The following NFKB1 variants were observed in gnomAD, a reference collection of about 807,000 sequenced individuals.
NFKB1 encodes the protein nuclear factor NF-kappa-B p105 subunit.
In NFKB1, 9 loss-of-function variants were observed where a neutral mutation model predicts 105.1. The observed-to-expected ratio is 0.09, with a 90% confidence interval of 0.05 to 0.15. NFKB1 has a LOEUF of 0.15. Among genes scored for constraint, NFKB1 ranks in the 10% least tolerant of loss-of-function variants. The probability of loss-of-function intolerance (pLI) is 1.00; values close to 1 mark genes in which losing one functional copy is unlikely to be tolerated. For synonymous variants in NFKB1, 440 were observed against 442.2 expected (o/e 1.00, Z 0.06); for missense variants, 830 against 1,203.7 (o/e 0.69, Z 4.59).
chr4:102,504,930 T>C (rs1739330478), intron 1 of NFKB1, among the ~76,000 whole-genome samples: 1 of 152,184 alleles, frequency 6.6e-6, no homozygotes, highest in African/African-American at 2.4e-5. Flanking sequence ...TTTGGACAGT[T>C]AATAGTTCTG....
At chr4:102,521,773 G>A (rs1740589588) in intron 1 of NFKB1, among the ~76,000 whole-genome samples, 1 of 152,036 alleles carries the variant, frequency 6.6e-6, no homozygotes, top group Admixed American at 6.6e-5. Flanking sequence ...GGTGTTAGTG[G>A]GGGCATTGTC....
intron 6 of NFKB1, 131 bp from the exon 7 acceptor site, chr4:102,576,745 C>T (rs1034189868): frequency 3.7e-5 from 35 of 955,524 alleles, no homozygotes; most frequent in Non-Finnish European, 5.1e-5. Context: ...GCATGTAGCC[C>T]CAAGAGATTT....
At chr4:102,615,262 G>A (rs920860305) in intron 23 of NFKB1, among the ~76,000 whole-genome samples, 12 of 152,174 alleles carry the variant, frequency 7.9e-5, no homozygotes, top group African/African-American at 2.4e-4. Context: ...TGCTTTACTC[G>A]TTTGCTTTCT....
intron 3 of NFKB1, among the ~76,000 whole-genome samples, chr4:102,531,496 G>A (rs1286312241): frequency 2.0e-5 from 3 of 152,026 alleles, no homozygotes; most frequent in African/African-American, 7.2e-5. Flanking sequence ...ACTCTAAAAT[G>A]GATTATTTTA....
chr4:102,617,189 C>G lies in NFKB1; in HGVS notation c.*595C>G, dbSNP rs1729020047. 6.7e-6 allele frequency: 1 copy of G among 148,244 alleles called. No individual in the cohort carries two copies. Among genetic ancestry groups the G allele is most frequent in the Admixed American group, 6.8e-5 (1 of 14,726 alleles). The allele number at this position is 148,244 out of a possible 1,614,324, so 9.2% of individuals were successfully genotyped here. On this transcript the variant is annotated 3_prime_UTR_variant, in exon 24 of 24. Transcript: ENST00000226574. The stretch of plus-strand genomic sequence containing the variant: ...TATTTTCCCCCTTTTCTGCATTTTG[C>G]TATTGTAAATATGTTTTTTAGATCA...
chr4:102,515,049 TC>T (rs1029647350), intron 1 of NFKB1, among the ~76,000 whole-genome samples: 7 of 151,462 alleles, frequency 4.6e-5, no homozygotes, highest in Non-Finnish European at 7.4e-5. Context: ...TCCAGTCTGA[TC>T]ATCTCTGTCT....
rs567545604 is a variant in NFKB1 at position 102,502,808 on chromosome 4, A to AT, written c.-8+1027dup. On this transcript the variant is annotated intron_variant, in intron 1 of 23. Coordinates refer to ENST00000226574, the MANE Select transcript of NFKB1 (RefSeq NM_003998.4). ...TGAAATAACCATATTTAACTCAAAG[A>AT]TTTTTTTATAAAGCTCATAATCTGA... 6.9e-4 allele frequency among the ~76,000 whole-genome samples: 105 copies of AT among 152,288 alleles called. 2 individuals are homozygous for AT. The East Asian group carries it at 8.3e-3, about 12-fold the overall frequency.
chr4:102,539,236 C>CAAAAAAAAAAAAAAAAA (rs550342036), intron 5 of NFKB1, among the ~76,000 whole-genome samples: 1 of 95,646 alleles, frequency 1.0e-5, no homozygotes, highest in African/African-American at 3.8e-5. Flanking sequence ...GACTCTGTCT[C>CAAAAAAAAAAAAAAAAA]AAAAAAAAAA....
intron 5 of NFKB1, among the ~76,000 whole-genome samples, chr4:102,541,551 T>C (rs756441968): frequency 3.3e-5 from 5 of 152,266 alleles, no homozygotes; most frequent in Admixed American, 6.5e-5. Flanking sequence ...TTGACTGTTA[T>C]AAACTATTAC....
chr4:102,561,282 T>C (rs1723419481), intron 5 of NFKB1, among the ~76,000 whole-genome samples: 1 of 117,502 alleles, frequency 8.5e-6, no homozygotes, highest in South Asian at 3.0e-4. Flanking sequence ...TTTTTTTTTT[T>C]GTGTGTGTGT....
chr4:102,525,667 T>A (rs1370696440), intron 2 of NFKB1, 110 bp downstream of exon 2: 1 of 835,324 alleles, frequency 1.2e-6, no homozygotes, highest in Non-Finnish European at 1.7e-6. Context: ...AATTAGTAAA[T>A]TTTTTTTTAA....
At chr4:102,604,384 C>T (rs901392694) in intron 16 of NFKB1, among the ~76,000 whole-genome samples, 1 of 152,104 alleles carries the variant, frequency 6.6e-6, no homozygotes. Context: ...GGTCTCTTCA[C>T]CCAGTTTCCC....
chr4:102,538,433 G>A (rs904305569), intron 5 of NFKB1, among the ~76,000 whole-genome samples: 3 of 152,128 alleles, frequency 2.0e-5, no homozygotes, highest in Admixed American at 1.3e-4. Context: ...GTCTCTTAAT[G>A]TATAAAATAC....
chr4:102,514,670 C>T (rs891052730), intron 1 of NFKB1, among the ~76,000 whole-genome samples: 5 of 152,044 alleles, frequency 3.3e-5, no homozygotes, highest in Admixed American at 1.3e-4. Flanking sequence ...GATCAATTAC[C>T]GAGAGAGGAA....
chr4:102,555,974 A>T (rs888367010), intron 5 of NFKB1, among the ~76,000 whole-genome samples: 6 of 152,294 alleles, frequency 3.9e-5, no homozygotes, highest in African/African-American at 1.4e-4. Context: ...ATTCTTCATG[A>T]GCTAAACTAA....
intron 5 of NFKB1, among the ~76,000 whole-genome samples, chr4:102,550,328 G>C (rs901594383): frequency 6.6e-6 from 1 of 152,092 alleles, no homozygotes. Flanking sequence ...TCCAGGCATC[G>C]TCTGTCTCTC....
At chr4:102,589,529 G>A (rs572162530) in intron 11 of NFKB1, among the ~76,000 whole-genome samples, 3 of 151,520 alleles carry the variant, frequency 2.0e-5, no homozygotes, top group Admixed American at 2.0e-4. Context: ...AACTATTAAA[G>A]TGTACTTTGT....
At chr4:102,541,480 A>G (rs1741994400) in intron 5 of NFKB1, among the ~76,000 whole-genome samples, 1 of 152,206 alleles carries the variant, frequency 6.6e-6, no homozygotes, top group African/African-American at 2.4e-5. Context: ...GAAAAGATAA[A>G]ATATGTATCT....
chr4:102,562,306 A>G (rs1578764969), intron 5 of NFKB1, among the ~76,000 whole-genome samples: 1 of 152,232 alleles, frequency 6.6e-6, no homozygotes, highest in East Asian at 1.9e-4. Context: ...TGCTTCTTAT[A>G]TATCTCCTTT....
Sources: gnomAD v4.1 joint callset for allele counts (sites outside exome capture counted in the v4.1 genomes callset) on GRCh38, gnomAD v4.1.1 for gene constraint, MANE v1.5 for transcripts, NCBI Gene and HGNC (gene_info 2026-07-23, HGNC 2026-07-21) for gene names.